Variants in SLC35F1 observed in about 807,000 individuals in gnomAD.
SLC35F1 encodes the protein chromosome 6 open reading frame 169.
SLC35F1 carries 14 observed loss-of-function variants against 48.7 expected under a neutral mutation model. The ratio of observed to expected loss-of-function variants is 0.29; its 90% CI spans 0.19 to 0.45. SLC35F1 has a LOEUF of 0.45. Among genes scored for constraint, SLC35F1 ranks in the 20% least tolerant of loss-of-function variants. The pLI, the probability that SLC35F1 is intolerant of heterozygous loss-of-function variation, is 1.00. For missense variants in SLC35F1, 404 were observed against 500.0 expected (o/e 0.81, Z 1.83); for synonymous variants, 190 against 202.2 (o/e 0.94, Z 0.51).
chr6:118,188,948 C>G (rs1774696736), intron 2 of SLC35F1, among the ~76,000 whole-genome samples: 1 of 152,098 alleles, frequency 6.6e-6, no homozygotes, highest in African/African-American at 2.4e-5. Flanking sequence ...GAGTCTTACT[C>G]TCACTCAGGC....
At chr6:117,931,377 A>C (rs1776099971) in intron 1 of SLC35F1, among the ~76,000 whole-genome samples, 1 of 152,236 alleles carries the variant, frequency 6.6e-6, no homozygotes, top group Non-Finnish European at 1.5e-5. Flanking sequence ...GATCTCAGGC[A>C]TGATAAACCT....
intron 2 of SLC35F1, among the ~76,000 whole-genome samples, chr6:118,184,817 A>G (rs1774634331): frequency 6.6e-6 from 1 of 152,184 alleles, no homozygotes; most frequent in Non-Finnish European, 1.5e-5. Context: ...TGAAAGTAGG[A>G]AGAAAACTTC....
rs1313831699 is a variant in SLC35F1 at position 118,314,552 on chromosome 6, T to G, written c.*300T>G. ...AGTATTATTGTTATTATGATTTGTA[T>G]TATTATTATTGCTGTTACTGTTATT... On this transcript the variant is annotated 3_prime_UTR_variant, in exon 8 of 8. Coordinates refer to ENST00000360388, the MANE Select transcript of SLC35F1 (RefSeq NM_001029858.4). The G allele has an allele frequency of 5.6e-6, 2 of 358,900 alleles. No homozygotes were observed. Among genetic ancestry groups the G allele is most frequent in the Non-Finnish European group, 1.0e-5 (2 of 192,948 alleles). 22.2% of individuals were successfully genotyped at this position (358,900 alleles called of 1,614,324 possible).
chr6:118,007,957 T>G (rs956822599), intron 1 of SLC35F1, among the ~76,000 whole-genome samples: 1 of 152,178 alleles, frequency 6.6e-6, no homozygotes, highest in East Asian at 1.9e-4. Context: ...CCATTTTTCT[T>G]GCTAGCTGTT....
chr6:118,076,607 G>A (rs958991152), intron 1 of SLC35F1, among the ~76,000 whole-genome samples: 1 of 152,080 alleles, frequency 6.6e-6, no homozygotes, highest in African/African-American at 2.4e-5. Flanking sequence ...AACAGCAAGG[G>A]GGAAGTTCAC....
intron 3 of SLC35F1, among the ~76,000 whole-genome samples, chr6:118,241,223 G>C (rs1359128064): frequency 6.6e-6 from 1 of 152,162 alleles, no homozygotes. Context: ...TAACAAGAGA[G>C]ATTTCATTAA....
intron 3 of SLC35F1, among the ~76,000 whole-genome samples, chr6:118,262,419 G>A (rs1260297667): frequency 1.3e-5 from 2 of 152,156 alleles, no homozygotes; most frequent in Non-Finnish European, 2.9e-5. Flanking sequence ...TAGGGAGAAA[G>A]AGGGGAAATT....
intron 1 of SLC35F1, among the ~76,000 whole-genome samples, chr6:118,073,271 T>C (rs1235642474): frequency 6.6e-6 from 1 of 152,046 alleles, no homozygotes; most frequent in Non-Finnish European, 1.5e-5. Flanking sequence ...TGGTTAAGAG[T>C]TCTGATTTTG....
intron 1 of SLC35F1, among the ~76,000 whole-genome samples, chr6:117,960,218 T>A (rs549322815): frequency 1.3e-5 from 2 of 151,760 alleles, no homozygotes; most frequent in East Asian, 2.0e-4. Flanking sequence ...TTCTGTGTAT[T>A]CCTAGATGTG....
intron 1 of SLC35F1, among the ~76,000 whole-genome samples, chr6:118,051,656 A>T (rs1772393803): frequency 6.6e-6 from 1 of 152,168 alleles, no homozygotes; most frequent in Non-Finnish European, 1.5e-5. Context: ...AACATATGTG[A>T]AAAAAATGGA....
intron 7 of SLC35F1, among the ~76,000 whole-genome samples, chr6:118,303,897 T>C (rs578170223): frequency 6.6e-6 from 1 of 152,210 alleles, no homozygotes; most frequent in Non-Finnish European, 1.5e-5. Context: ...GGGGTTAGGC[T>C]TCAACATATG....
At chr6:117,997,924 A>G (rs1582608324) in intron 1 of SLC35F1, among the ~76,000 whole-genome samples, 2 of 152,134 alleles carry the variant, frequency 1.3e-5, no homozygotes, top group African/African-American at 2.4e-5. Context: ...ACACACAACA[A>G]TATTAACTTT....
intron 2 of SLC35F1, among the ~76,000 whole-genome samples, chr6:118,187,111 C>G (rs1424670119): frequency 6.6e-6 from 1 of 152,144 alleles, no homozygotes. Flanking sequence ...GTTCACTACC[C>G]CATGCTCTCT....
At chr6:118,300,605 C>A (rs1331442712) in intron 7 of SLC35F1, among the ~76,000 whole-genome samples, 3 of 152,028 alleles carry the variant, frequency 2.0e-5, no homozygotes, top group Non-Finnish European at 2.9e-5. Flanking sequence ...AAAAAATGGA[C>A]AAAATTATAA....
intron 1 of SLC35F1, among the ~76,000 whole-genome samples, chr6:117,971,835 G>T (rs1389676384): frequency 6.6e-6 from 1 of 152,160 alleles, no homozygotes; most frequent in Non-Finnish European, 1.5e-5. Context: ...CCCTGGGCCT[G>T]GCCCAGGAAA....
At position 117,931,409 on chromosome 6, in the gene SLC35F1, C is replaced by A. The variant is rs2277082; in HGVS notation, c.173+23510C>A. Among the ~76,000 whole-genome samples the A allele has an allele frequency of 7.2e-5, 11 of 152,248 alleles. No homozygotes were observed. The East Asian group carries it at 1.9e-3, about 27-fold the overall frequency. On this transcript the variant is annotated intron_variant, in intron 1 of 7. Coordinates refer to ENST00000360388, the MANE Select transcript of SLC35F1 (RefSeq NM_001029858.4). ...ACCTGCAGCTGGTCATCTTGATAATCCCCAAAGACATTTTTTTCTTCAAGT... is the reference window on the plus strand; with the variant it reads ...ACCTGCAGCTGGTCATCTTGATAATACCCAAAGACATTTTTTTCTTCAAGT...
intron 1 of SLC35F1, among the ~76,000 whole-genome samples, chr6:118,059,485 A>G (rs2114270528): frequency 6.6e-6 from 1 of 152,348 alleles, no homozygotes; most frequent in East Asian, 1.9e-4. Flanking sequence ...AAGGTGCTGT[A>G]TCAGTCAGTA....
chr6:118,077,577 A>G (rs957648010), intron 1 of SLC35F1, among the ~76,000 whole-genome samples: 1 of 152,178 alleles, frequency 6.6e-6, no homozygotes, highest in Admixed American at 6.5e-5. Context: ...ATTTTAGTTT[A>G]CTCATAATAT....
intron 1 of SLC35F1, among the ~76,000 whole-genome samples, chr6:118,141,775 C>T (rs1380210475): frequency 6.6e-6 from 1 of 152,150 alleles, no homozygotes; most frequent in East Asian, 1.9e-4. Flanking sequence ...ACATTCAGTC[C>T]ATTACGAGAT....
Sources: gnomAD v4.1 joint callset for allele counts (sites outside exome capture counted in the v4.1 genomes callset) on GRCh38, gnomAD v4.1.1 for gene constraint, MANE v1.5 for transcripts, NCBI Gene and HGNC (gene_info 2026-07-23, HGNC 2026-07-21) for gene names.